The following IL1RAPL2 variants were observed in gnomAD, a reference collection of about 807,000 sequenced individuals.
The protein encoded by IL1RAPL2 is X-linked interleukin-1 receptor accessory protein-like 2.
IL1RAPL2 carries 3 observed loss-of-function variants against 44.1 expected under a neutral mutation model. The observed-to-expected ratio is 0.07, with a 90% CI of 0.03 to 0.18. The LOEUF is 0.18. Among genes scored for constraint, IL1RAPL2 ranks in the 10% least tolerant of loss-of-function variants. The pLI is 1.00. For missense variants in IL1RAPL2, 391 were observed against 496.4 expected (o/e 0.79, Z 2.02); for synonymous variants, 181 against 178.8 (o/e 1.01, Z -0.10).
chrX:104,983,608 TATA>T (rs1465990179), intron 2 of IL1RAPL2, among the ~76,000 whole-genome samples: 12 of 70,937 alleles, frequency 1.7e-4, no homozygotes, highest in South Asian at 5.6e-4. Flanking sequence ...ATGCATAATA[TATA>T]ATATTATATT....
At chrX:105,423,882 G>A (rs1199871784) in intron 5 of IL1RAPL2, among the ~76,000 whole-genome samples, 1 of 104,490 alleles carries the variant, frequency 9.6e-6, no homozygotes, top group East Asian at 2.9e-4. Flanking sequence ...AAAAAAAAAA[G>A]GGTGTTGACA....
chrX:104,647,379 T>G (rs939291316), intron 1 of IL1RAPL2: 6 of 538,371 alleles, frequency 1.1e-5, no homozygotes, highest in Non-Finnish European at 2.0e-5. Flanking sequence ...ATGGCTGCTA[T>G]TTTCTGCTGC....
chrX:105,066,527 G>A (rs2032139626), intron 2 of IL1RAPL2, among the ~76,000 whole-genome samples: 1 of 107,087 alleles, frequency 9.3e-6, no homozygotes, highest in Non-Finnish European at 1.9e-5. Context: ...CCATGAAAAT[G>A]TGTTTTTGAT....
chrX:105,439,024 C>G (rs2035900748), intron 5 of IL1RAPL2, among the ~76,000 whole-genome samples: 1 of 110,944 alleles, frequency 9.0e-6, no homozygotes, highest in Admixed American at 9.7e-5. Context: ...GGCAGTTTCC[C>G]TGGCACTCCC....
At chrX:104,817,276 G>A (rs1275762002) in intron 2 of IL1RAPL2, among the ~76,000 whole-genome samples, 2 of 112,282 alleles carry the variant, frequency 1.8e-5, no homozygotes, top group Non-Finnish European at 3.8e-5. Context: ...CTTTATGGCT[G>A]GTTTTGCCAC....
intron 2 of IL1RAPL2, among the ~76,000 whole-genome samples, chrX:105,176,696 G>A (rs2033477260): frequency 1.8e-5 from 2 of 110,718 alleles, no homozygotes; most frequent in South Asian, 7.8e-4. Context: ...GGAGAGAAGG[G>A]GGGTGGGGCT....
chrX:105,391,023 A>T (rs2035517766), intron 5 of IL1RAPL2, among the ~76,000 whole-genome samples: 1 of 111,933 alleles, frequency 8.9e-6, no homozygotes, highest in South Asian at 3.7e-4. Context: ...TCTTCATTTA[A>T]TTCTTGGAAT....
intron 6 of IL1RAPL2, among the ~76,000 whole-genome samples, chrX:105,578,174 A>G (rs1265102761): frequency 9.1e-6 from 1 of 110,175 alleles, no homozygotes; most frequent in African/African-American, 3.3e-5. Flanking sequence ...CATTTGTAAC[A>G]GCAAAAAGGC....
intron 2 of IL1RAPL2, among the ~76,000 whole-genome samples, chrX:104,715,154 T>C (rs754991920): frequency 1.0e-4 from 11 of 109,951 alleles, no homozygotes; most frequent in Non-Finnish European, 2.1e-4. Context: ...AATTAAGTTT[T>C]GGAGCTCATT....
chrX:104,775,760 C>G (rs1932708339), intron 2 of IL1RAPL2, among the ~76,000 whole-genome samples: 1 of 111,123 alleles, frequency 9.0e-6, no homozygotes, highest in Admixed American at 9.6e-5. Context: ...ACAAGGGAAT[C>G]CTGGCATGTG....
intron 2 of IL1RAPL2, among the ~76,000 whole-genome samples, chrX:104,983,265 A>G (rs1351139013): frequency 9.3e-6 from 1 of 107,125 alleles, no homozygotes. Context: ...ATGTCATAAC[A>G]CTGCTTCACA....
intron 5 of IL1RAPL2, among the ~76,000 whole-genome samples, chrX:105,429,146 G>A (rs1040345491): frequency 3.6e-5 from 4 of 111,691 alleles, no homozygotes; most frequent in Non-Finnish European, 7.5e-5. Flanking sequence ...AGCACTTTGT[G>A]TAATACTGTA....
At chrX:105,195,394 C>T in intron 2 of IL1RAPL2, 81 bp from the exon 3 acceptor site, 1 of 918,931 alleles carries the variant, frequency 1.1e-6, no homozygotes, top group African/African-American at 1.9e-5. Flanking sequence ...GCACTTAGGA[C>T]ATGTTGGTGA....
chrX:105,222,045 AGCTTAAAATCATTT>A (rs2147628131), intron 3 of IL1RAPL2, among the ~76,000 whole-genome samples: 1 of 111,321 alleles, frequency 9.0e-6, no homozygotes, highest in African/African-American at 3.3e-5. Flanking sequence ...GTTTCTCTTA[AGCTTAAAATCATTT>A]GATGGATCCT....
intron 5 of IL1RAPL2, among the ~76,000 whole-genome samples, chrX:105,295,740 T>C (rs139945408): frequency 0.013 from 1,459 of 112,021 alleles, 13 homozygotes; most frequent in Non-Finnish European, 0.019. Flanking sequence ...AATATATTTA[T>C]TACTATGGCT....
chrX:105,292,447 A>C (rs7880209), intron 5 of IL1RAPL2, among the ~76,000 whole-genome samples: 28,430 of 111,403 alleles, frequency 0.26, 7,056 homozygotes, highest in African/African-American at 0.79. Context: ...AAAGGCTGTT[A>C]AAATACTTCC....
intron 2 of IL1RAPL2, among the ~76,000 whole-genome samples, chrX:104,960,809 G>C (rs892939169): frequency 9.0e-6 from 1 of 110,814 alleles, no homozygotes; most frequent in Non-Finnish European, 1.9e-5. Context: ...TGATTTTATG[G>C]CATCAAGCTC....
At chrX:105,067,667 T>C (rs1011687323) in intron 2 of IL1RAPL2, among the ~76,000 whole-genome samples, 17 of 112,072 alleles carry the variant, frequency 1.5e-4, no homozygotes, top group Admixed American at 1.0e-3. Flanking sequence ...AAGCATACTA[T>C]TAAGTTAATT....
intron 2 of IL1RAPL2, among the ~76,000 whole-genome samples, chrX:105,044,838 G>A (rs1419348113): frequency 9.0e-6 from 1 of 111,179 alleles, no homozygotes; most frequent in East Asian, 2.9e-4. Flanking sequence ...CCCAGCTGAG[G>A]ACAGCAAAGA....
Sources: gnomAD v4.1 joint callset for allele counts (sites outside exome capture counted in the v4.1 genomes callset) on GRCh38, gnomAD v4.1.1 for gene constraint, MANE v1.5 for transcripts, NCBI Gene and HGNC (gene_info 2026-07-23, HGNC 2026-07-21) for gene names.